The following SSX2IP variants were observed in gnomAD, a reference collection of about 807,000 sequenced individuals.
SSX2IP encodes SSX family member 2 interacting protein.
A neutral mutation model predicts 84.9 loss-of-function variants in SSX2IP; 55 were observed. That is an observed-to-expected ratio of 0.65 (90% confidence interval 0.52 to 0.81). The LOEUF is 0.81. SSX2IP is among the 30% of genes least tolerant of loss of function. The pLI, the probability that SSX2IP is intolerant of heterozygous loss-of-function variation, is 0.00. For synonymous variants in SSX2IP, 239 were observed against 234.7 expected, an observed-to-expected ratio of 1.02 and a Z score of -0.17; for missense variants, 664 against 705.2, an observed-to-expected ratio of 0.94 and a Z score of 0.66.
chr1:84,647,405 T>C lies in SSX2IP; in HGVS notation c.*28A>G, dbSNP rs779284716. 15 of 1,536,302 alleles carry C rather than the reference T, an allele frequency of 9.8e-6. No homozygotes were observed. The highest frequency in any genetic ancestry group is 6.9e-5 in the African/African-American group (5 of 72,586). On this transcript the variant is annotated 3_prime_UTR_variant, in exon 14 of 14. Coordinates refer to ENST00000342203, the MANE Select transcript of SSX2IP (RefSeq NM_001166293.2). ...TTAGATGTGAAACTTGATGAACACA[T>C]TAATGAAAAAAATTCCAGTCCACAT...
At chr1:84,675,081 T>C (rs1654131987) in intron 1 of SSX2IP, among the ~76,000 whole-genome samples, 1 of 152,178 alleles carries the variant, frequency 6.6e-6, no homozygotes, top group Non-Finnish European at 1.5e-5. Flanking sequence ...AAGAAAAAGG[T>C]AACAGAACCA....
At chr1:84,659,513 T>C (rs1210876961) in intron 8 of SSX2IP, among the ~76,000 whole-genome samples, 1 of 152,162 alleles carries the variant, frequency 6.6e-6, no homozygotes, top group Non-Finnish European at 1.5e-5. Context: ...GAAAAATTAT[T>C]GGCCGGGCGC....
chr1:84,688,694 C>T (rs1656144323), intron 1 of SSX2IP, among the ~76,000 whole-genome samples: 1 of 152,156 alleles, frequency 6.6e-6, no homozygotes, highest in African/African-American at 2.4e-5. Context: ...CATATATCTG[C>T]CTCATTATGT....
At chr1:84,675,080 G>A (rs1044584512) in intron 1 of SSX2IP, among the ~76,000 whole-genome samples, 6 of 152,170 alleles carry the variant, frequency 3.9e-5, no homozygotes, top group African/African-American at 1.4e-4. Flanking sequence ...AAAGAAAAAG[G>A]TAACAGAACC....
At position 84,670,688 on chromosome 1, in the gene SSX2IP, G is replaced by C; in HGVS notation, c.171C>G (p.Cys57Trp). Reference sequence around the variant, plus strand: ...TACTCTGTTCAATATTATCTTCTGTGCAGAAGGCACTGAAAAAACTGTGCA... The same window carrying C: ...TACTCTGTTCAATATTATCTTCTGTCCAGAAGGCACTGAAAAAACTGTGCA... ...KNVHSFFSAF[C>W]TEDNIEQSIS... Residue 57 changes from cysteine to tryptophan, a missense_variant, in exon 3 of 14, where the codon TGC becomes TGG. Cys to Trp is a radical substitution (Grantham distance 215). Transcript: ENST00000342203. 6.2e-7 allele frequency: 1 copy of C among 1,612,562 alleles called. No homozygotes were observed. The highest frequency in any genetic ancestry group is 1.7e-5 in the Admixed American group (1 of 59,968).
At chr1:84,674,285 A>AATC (rs1473947794) in intron 1 of SSX2IP, among the ~76,000 whole-genome samples, 2 of 151,928 alleles carry the variant, frequency 1.3e-5, no homozygotes, top group Admixed American at 6.5e-5. Flanking sequence ...AGCTAATATT[A>AATC]ATCATCATCA....
At chr1:84,666,070 C>T (rs775389242) in intron 5 of SSX2IP, 52 bp downstream of exon 5, 1 of 1,415,902 alleles carries the variant, frequency 7.1e-7, no homozygotes, top group South Asian at 1.2e-5. Context: ...TCTCATATTA[C>T]AAAGAAAACA....
chr1:84,672,192 A>G (rs1653674344), intron 1 of SSX2IP, among the ~76,000 whole-genome samples: 1 of 152,218 alleles, frequency 6.6e-6, no homozygotes, highest in Non-Finnish European at 1.5e-5. Flanking sequence ...GTAAGTGGCA[A>G]CTGGCAATTG....
chr1:84,652,178 T>C (rs1475491428), intron 11 of SSX2IP, 181 bp from the exon 12 acceptor site: 1 of 529,662 alleles, frequency 1.9e-6, no homozygotes, highest in Admixed American at 3.1e-5. Context: ...TCCCAGTATT[T>C]TGGGAGGCTG....
chr1:84,690,717 C>G (rs1407656260), upstream of SSX2IP: 1 of 152,344 alleles, frequency 6.6e-6, no homozygotes, highest in Non-Finnish European at 1.5e-5. Context: ...TCCCTGCGGT[C>G]CGCGCGCGCT....
At chr1:84,677,480 A>C (rs1353657103) in intron 1 of SSX2IP, among the ~76,000 whole-genome samples, 2 of 152,150 alleles carry the variant, frequency 1.3e-5, no homozygotes, top group Admixed American at 1.3e-4. Flanking sequence ...TTAGGTAAGC[A>C]GTCTCTAGGA....
At chr1:84,674,992 G>C (rs1257805909) in intron 1 of SSX2IP, among the ~76,000 whole-genome samples, 2 of 152,154 alleles carry the variant, frequency 1.3e-5, no homozygotes, top group African/African-American at 4.8e-5. Context: ...CTCAAATATA[G>C]CTAAAACTGC....
At chr1:84,683,142 T>C (rs952019312) in intron 1 of SSX2IP, among the ~76,000 whole-genome samples, 2 of 151,758 alleles carry the variant, frequency 1.3e-5, no homozygotes, top group African/African-American at 4.8e-5. Context: ...GATACAATAT[T>C]CAAGCTGCTT....
intron 6 of SSX2IP, 69 bp from the exon 7 acceptor site, chr1:84,662,599 C>T (rs1169335641): frequency 2.7e-6 from 4 of 1,504,694 alleles, no homozygotes; most frequent in Non-Finnish European, 3.7e-6. Flanking sequence ...CTAATGCATT[C>T]TATACACGTA....
chr1:84,648,919 G>A (rs940317620), intron 13 of SSX2IP, among the ~76,000 whole-genome samples: 3 of 151,818 alleles, frequency 2.0e-5, no homozygotes, highest in Non-Finnish European at 4.4e-5. Context: ...ATTGTCTTTC[G>A]TTTCCACTCC....
At chr1:84,676,719 C>CTTTTTTTTTTTTTTTTTT (rs61017474) in intron 1 of SSX2IP, among the ~76,000 whole-genome samples, 1 of 99,460 alleles carries the variant, frequency 1.0e-5, no homozygotes, top group Non-Finnish European at 1.8e-5. Flanking sequence ...TGCTCTTTTC[C>CTTTTTTTTTTTTTTTTTT]TTTTTTTTTT....
At chr1:84,689,903 G>A (rs1036131702) in intron 1 of SSX2IP, among the ~76,000 whole-genome samples, 2 of 152,114 alleles carry the variant, frequency 1.3e-5, no homozygotes, top group African/African-American at 4.8e-5. Context: ...CCAATAACTC[G>A]TTTTAAAGAC....
At chr1:84,649,210 C>A (rs1474013660) in intron 13 of SSX2IP, among the ~76,000 whole-genome samples, 1 of 152,108 alleles carries the variant, frequency 6.6e-6, no homozygotes, top group African/African-American at 2.4e-5. Context: ...AATTGCTGAA[C>A]CTGAGTCATA....
intron 4 of SSX2IP, among the ~76,000 whole-genome samples, chr1:84,667,040 T>A (rs1274807057): frequency 6.6e-6 from 1 of 152,138 alleles, no homozygotes; most frequent in Non-Finnish European, 1.5e-5. Flanking sequence ...ACTCTAAGGT[T>A]GTCAGTTTTT....
Sources: gnomAD v4.1 joint callset for allele counts (sites outside exome capture counted in the v4.1 genomes callset) on GRCh38, gnomAD v4.1.1 for gene constraint, MANE v1.5 for transcripts, NCBI Gene and HGNC (gene_info 2026-07-23, HGNC 2026-07-21) for gene names.